The following ACADSB variants were observed in gnomAD, a reference collection of about 807,000 sequenced individuals.
The protein encoded by ACADSB is short/branched chain specific acyl-CoA dehydrogenase, mitochondrial.
Under a neutral mutation model 54.1 loss-of-function variants are expected in ACADSB, and 40 were observed. The observed-to-expected ratio is 0.74, with a 90% CI of 0.57 to 0.96. The LOEUF (loss-of-function observed/expected upper bound fraction) is 0.96, where lower values mean the gene tolerates loss of function less well. Ranked by LOEUF, ACADSB falls within the 40% of genes least tolerant of loss-of-function variation. ACADSB has a pLI of 0.00. For missense variants in ACADSB, 530 were observed against 510.4 expected, an observed-to-expected ratio of 1.04 and a Z score of -0.37; for synonymous variants, 182 against 182.8, an observed-to-expected ratio of 1.00 and a Z score of 0.03.
chr10:123,036,508 G>C (rs1214576340), intron 2 of ACADSB, among the ~76,000 whole-genome samples: 1 of 152,220 alleles, frequency 6.6e-6, no homozygotes, highest in Non-Finnish European at 1.5e-5. Flanking sequence ...AATTTGCTTA[G>C]AGTATCTTGA....
At position 123,053,067 on chromosome 10, in the gene ACADSB, G is replaced by A. The variant is rs373482411; in HGVS notation, c.1135G>A (p.Gly379Arg). 7.4e-6 allele frequency: 12 copies of A among 1,613,736 alleles called. No individual in the cohort carries two copies. The highest frequency in any genetic ancestry group is 9.3e-6 in the Non-Finnish European group (11 of 1,179,744). Reference sequence around the variant, plus strand: ...TTGCACTTGCTTTTGGTAGATTGCAGGACAAACAACGAGTAAATGTATCGA... The same window carrying A: ...TTGCACTTGCTTTTGGTAGATTGCAAGACAAACAACGAGTAAATGTATCGA... ...MAKYYASEIA[G>R]QTTSKCIEWM... Residue 379 changes from glycine (G) to arginine (R), a missense_variant, in exon 10 of 11, where the codon GGA becomes AGA. Physicochemically the swap from Gly to Arg is moderately radical, Grantham distance 125. Coordinates refer to ENST00000358776, the MANE Select transcript of ACADSB (RefSeq NM_001609.4).
rs1216715101 is a variant in ACADSB at position 123,053,916 on chromosome 10, C to G, written c.*151C>G. On this transcript the variant is annotated 3_prime_UTR_variant, in exon 11 of 11. Coordinates refer to ENST00000358776, the MANE Select transcript of ACADSB (RefSeq NM_001609.4). ...CCTTAGTCAGGGTCCTGGTGTTGGC[C>G]TTTTTGGTTTTCTCTTTTCAGGCTG... 5.3e-6 allele frequency: 4 copies of G among 748,050 alleles called. No individual in the cohort carries two copies. The East Asian group carries it at 8.1e-5, about 15-fold the overall frequency. 46.3% of individuals were successfully genotyped at this position (748,050 alleles called of 1,614,324 possible).
chr10:123,041,020 T>C (rs973810306), intron 4 of ACADSB, among the ~76,000 whole-genome samples, 189 bp from the exon 5 acceptor site: 7 of 125,450 alleles, frequency 5.6e-5, no homozygotes, highest in African/African-American at 2.2e-4. Flanking sequence ...TTTAAATTTG[T>C]CTTGGACAAA....
intron 8 of ACADSB, among the ~76,000 whole-genome samples, 184 bp downstream of exon 8, chr10:123,047,482 G>A (rs187256510): frequency 1.1e-3 from 169 of 152,164 alleles, no homozygotes; most frequent in African/African-American, 3.9e-3. Flanking sequence ...CAAGGGCAGA[G>A]CAGTAGTCCT....
At chr10:123,010,614 G>A (rs1450477294) in intron 1 of ACADSB, among the ~76,000 whole-genome samples, 1 of 152,192 alleles carries the variant, frequency 6.6e-6, no homozygotes, top group Non-Finnish European at 1.5e-5. Context: ...TTCCTGGTCT[G>A]TAAATGGAGA....
At chr10:123,014,438 G>T (rs865865443) in intron 1 of ACADSB, among the ~76,000 whole-genome samples, 2 of 152,342 alleles carry the variant, frequency 1.3e-5, no homozygotes, top group Middle Eastern at 3.4e-3. Flanking sequence ...GGACTCAAGT[G>T]ATCCTCCCGC....
rs199963793 is a variant in ACADSB, at chr10:123,053,118, A to G, written c.1186A>G (p.Lys396Glu). 2.0e-4 allele frequency: 320 copies of G among 1,613,930 alleles called. No homozygotes were observed. The highest frequency in any genetic ancestry group is 2.5e-4 in the Non-Finnish European group (298 of 1,179,962). The change falls in exon 10 of 11, where the codon AAA becomes GAA. Residue 396 changes from lysine (K) to glutamate (E), a missense_variant. Coordinates refer to ENST00000358776, the MANE Select transcript of ACADSB (RefSeq NM_001609.4). Reference sequence around the variant, plus strand: ...GTGGATGGGGGGAGTAGGCTACACCAAAGATTACCCTGTGGAGAAATACTT... The same window carrying G: ...GTGGATGGGGGGAGTAGGCTACACCGAAGATTACCCTGTGGAGAAATACTT... ...IEWMGGVGYTKDYPVEKYFRD... is the reference protein window; with the variant it reads ...IEWMGGVGYTEDYPVEKYFRD...
chr10:123,038,003 A>C (rs1850422287), intron 3 of ACADSB, among the ~76,000 whole-genome samples, 156 bp downstream of exon 3: 1 of 152,228 alleles, frequency 6.6e-6, no homozygotes, highest in Non-Finnish European at 1.5e-5. Flanking sequence ...AAGTTCTTAA[A>C]AATGGAATTA....
intron 7 of ACADSB, among the ~76,000 whole-genome samples, chr10:123,044,743 C>A (rs908619804): frequency 6.6e-6 from 1 of 151,904 alleles, no homozygotes; most frequent in East Asian, 1.9e-4. Context: ...ATACCTGAAC[C>A]GATAGCTTTT....
At chr10:123,024,543 A>G (rs1850224530) in intron 1 of ACADSB, among the ~76,000 whole-genome samples, 1 of 152,268 alleles carries the variant, frequency 6.6e-6, no homozygotes, top group Non-Finnish European at 1.5e-5. Flanking sequence ...GGTGAAAAAT[A>G]AACCCCAAAC....
intron 1 of ACADSB, among the ~76,000 whole-genome samples, chr10:123,011,972 C>T (rs1850042375): frequency 6.6e-6 from 1 of 152,018 alleles, no homozygotes; most frequent in African/African-American, 2.4e-5. Context: ...GACCTCAGCT[C>T]CCCGGGAGCT....
Position 123,052,380 on chromosome 10 carries a change from C to T in ACADSB, c.1129-681C>T, listed in dbSNP as rs530170381. Among the ~76,000 whole-genome samples the T allele has an allele frequency of 1.3e-5, 2 of 152,296 alleles. No homozygotes were observed. Among genetic ancestry groups the T allele is most frequent in the Admixed American group, 6.5e-5 (1 of 15,302 alleles). Reference sequence around the variant, plus strand: ...TTCAAAGCCAACAATGTGGCATGTTCAGATCTCTCTCTGACTCTGCTTCCT... The same window carrying T: ...TTCAAAGCCAACAATGTGGCATGTTTAGATCTCTCTCTGACTCTGCTTCCT... On this transcript the variant is annotated intron_variant, in intron 9 of 10. Coordinates refer to ENST00000358776, the MANE Select transcript of ACADSB (RefSeq NM_001609.4). The surrounding 1 kb of genome is among the most constrained non-coding windows in gnomAD (Gnocchi z 4.2).
At chr10:123,026,674 A>G (rs1246958403) in intron 1 of ACADSB, among the ~76,000 whole-genome samples, 1 of 152,148 alleles carries the variant, frequency 6.6e-6, no homozygotes, top group Non-Finnish European at 1.5e-5. Flanking sequence ...AAAGGAGTGA[A>G]AAAGCTCTCT....
chr10:123,050,063 C>T lies in ACADSB; in HGVS notation c.991-986C>T, dbSNP rs189228793. Among the ~76,000 whole-genome samples, 746 of 152,190 alleles carry T rather than the reference C, an allele frequency of 4.9e-3. 3 individuals carry two copies. Among genetic ancestry groups the T allele is most frequent in the African/African-American group, 0.017 (709 of 41,516 alleles). On this transcript the variant is annotated intron_variant, in intron 8 of 10. Transcript: ENST00000358776. ...GGAACATCGTCTCTTTTTGTACATA[C>T]GAAATTGTTGTGTGTATCACATATT... is the stretch of plus-strand genomic sequence containing the variant.
chr10:123,040,461 T>C lies in ACADSB; in HGVS notation c.304-5T>C. The C allele has an allele frequency of 6.2e-7, 1 of 1,612,866 alleles. No individual in the cohort carries two copies. On this transcript the variant is annotated splice_region_variant and splice_polypyrimidine_tract_variant and intron_variant, in intron 3 of 10. Transcript: ENST00000358776. ...TTAATCTATGTTGCCTTGTTTTTTC[T>C]TTAGTTGATGGGTATTGAAGTTGAC...
chr10:123,050,037 C>T (rs561759294), intron 8 of ACADSB, among the ~76,000 whole-genome samples: 14 of 152,248 alleles, frequency 9.2e-5, no homozygotes, highest in South Asian at 4.1e-4. Context: ...CCTACATATA[C>T]GGAACATCGT....
intron 1 of ACADSB, among the ~76,000 whole-genome samples, chr10:123,017,314 A>ATATT (rs1238197003): frequency 2.0e-5 from 3 of 151,964 alleles, no homozygotes; most frequent in Non-Finnish European, 4.4e-5. Flanking sequence ...CCTTTACCTT[A>ATATT]TATTTATTTA....
intron 2 of ACADSB, among the ~76,000 whole-genome samples, chr10:123,036,598 A>T (rs1275715531): frequency 1.3e-5 from 2 of 152,204 alleles, no homozygotes; most frequent in Non-Finnish European, 2.9e-5. Context: ...GCAAGAAAAA[A>T]ATCACTGCTT....
At chr10:123,024,441 A>G (rs1850222799) in intron 1 of ACADSB, among the ~76,000 whole-genome samples, 1 of 152,208 alleles carries the variant, frequency 6.6e-6, no homozygotes, top group Non-Finnish European at 1.5e-5. Flanking sequence ...AGAAACCTGC[A>G]GTTGCCTCCG....
Sources: gnomAD v4.1 joint callset for allele counts (sites outside exome capture counted in the v4.1 genomes callset) on GRCh38, gnomAD v4.1.1 for gene constraint, Gnocchi (gnomAD v3.1) non-coding constraint, MANE v1.5 for transcripts, NCBI Gene and HGNC (gene_info 2026-07-23, HGNC 2026-07-21) for gene names.